The following ULK4 variants were observed in gnomAD, a reference collection of about 807,000 sequenced individuals.
The protein encoded by ULK4 is inactive serine/threonine-protein kinase ULK4.
A neutral mutation model predicts 160.6 loss-of-function variants in ULK4; 133 were observed. The ratio of observed to expected loss-of-function variants is 0.83; its 90% CI spans 0.72 to 0.96. The LOEUF is 0.96. Ranked by LOEUF, ULK4 falls within the 40% of genes least tolerant of loss-of-function variation. The pLI is 0.00. For missense variants in ULK4, 1,580 were observed against 1,499.5 expected (o/e 1.05, Z -0.89); for synonymous variants, 534 against 539.8 (o/e 0.99, Z 0.15).
chr3:41,354,557 T>C lies in ULK4; in HGVS notation c.3678+43522A>G, dbSNP rs564076391. On this transcript the variant is annotated intron_variant, in intron 35 of 36. Coordinates refer to ENST00000301831, the MANE Select transcript of ULK4 (RefSeq NM_017886.4). Reference sequence around the variant, plus strand: ...CAACAATATATGGTAACATGTCTCTTACCTGTTAGACTGGGGATTCTTTGA... The same window carrying C: ...CAACAATATATGGTAACATGTCTCTCACCTGTTAGACTGGGGATTCTTTGA... 1.3e-4 allele frequency among the ~76,000 whole-genome samples: 20 copies of C among 152,334 alleles called. No homozygotes were observed. The East Asian group carries it at 3.9e-3, about 29-fold the overall frequency.
intron 21 of ULK4, among the ~76,000 whole-genome samples, chr3:41,762,808 G>A (rs576543809): frequency 6.6e-6 from 1 of 151,780 alleles, no homozygotes; most frequent in Non-Finnish European, 1.5e-5. Context: ...GACTACAGGT[G>A]CCCACAACCA....
At chr3:41,446,629 A>G (rs2083302530) in intron 34 of ULK4, among the ~76,000 whole-genome samples, 1 of 81,938 alleles carries the variant, frequency 1.2e-5, no homozygotes, top group Non-Finnish European at 2.5e-5. Context: ...CGCAGGGACA[A>G]AAAAAACAAA....
chr3:41,369,343 A>G (rs1169495432), intron 35 of ULK4, among the ~76,000 whole-genome samples: 1 of 152,078 alleles, frequency 6.6e-6, no homozygotes, highest in East Asian at 1.9e-4. Context: ...AAATACTAGA[A>G]ATTAGCCAGG....
chr3:41,895,237 C>T (rs796541816), intron 16 of ULK4, among the ~76,000 whole-genome samples: 9 of 152,180 alleles, frequency 5.9e-5, no homozygotes, highest in African/African-American at 2.2e-4. Flanking sequence ...TAGTGAGAGA[C>T]CTTGTCTCTA....
At chr3:41,265,158 C>A (rs2079008214) in intron 35 of ULK4, among the ~76,000 whole-genome samples, 1 of 152,210 alleles carries the variant, frequency 6.6e-6, no homozygotes, top group Admixed American at 6.5e-5. Context: ...GGGCACCGAG[C>A]CTCAGTCAGG....
intron 32 of ULK4, among the ~76,000 whole-genome samples, chr3:41,530,394 C>A (rs1380365466): frequency 6.6e-6 from 1 of 152,192 alleles, no homozygotes; most frequent in Non-Finnish European, 1.5e-5. Flanking sequence ...GGGAGTTGCA[C>A]TGGGCCCTTA....
At chr3:41,375,655 A>G (rs1350795484) in intron 35 of ULK4, among the ~76,000 whole-genome samples, 1 of 150,372 alleles carries the variant, frequency 6.7e-6, no homozygotes, top group Non-Finnish European at 1.5e-5. Context: ...ATTTAAATGT[A>G]AGACCTAAAC....
intron 22 of ULK4, among the ~76,000 whole-genome samples, chr3:41,729,879 C>A (rs1271196462): frequency 6.6e-6 from 1 of 152,196 alleles, no homozygotes; most frequent in Non-Finnish European, 1.5e-5. Flanking sequence ...ACTGCACCTA[C>A]TCAACACCAA....
intron 34 of ULK4, among the ~76,000 whole-genome samples, chr3:41,440,293 C>A (rs1369302571): frequency 6.6e-6 from 1 of 152,100 alleles, no homozygotes; most frequent in Non-Finnish European, 1.5e-5. Flanking sequence ...AGGTAGAAAG[C>A]GTTAAGGCTT....
intron 17 of ULK4, among the ~76,000 whole-genome samples, chr3:41,846,571 G>A (rs1265046578): frequency 6.6e-6 from 1 of 152,046 alleles, no homozygotes; most frequent in African/African-American, 2.4e-5. Flanking sequence ...TTGGGAGGCC[G>A]AGGCAGGCAG....
chr3:41,499,380 T>C (rs1257622154), intron 32 of ULK4, among the ~76,000 whole-genome samples: 2 of 152,176 alleles, frequency 1.3e-5, no homozygotes, highest in South Asian at 2.1e-4. Flanking sequence ...AACAGAAAAG[T>C]ATGGATTAAA....
In ULK4 at chr3:41,384,881, A is replaced by G. The variant is rs139807432; in HGVS notation, c.3678+13198T>C. Among the ~76,000 whole-genome samples the G allele has an allele frequency of 6.7e-3, 1,014 of 152,198 alleles. 3 individuals are homozygous for G. Among genetic ancestry groups the G allele is most frequent in the African/African-American group, 0.015 (624 of 41,566 alleles). ...ATTACAGGCGTGAGCCACTGCACCC[A>G]GCTTTTATTTTTTTAAAAAGAAAAT... On this transcript the variant is annotated intron_variant, in intron 35 of 36. Coordinates refer to ENST00000301831, the MANE Select transcript of ULK4 (RefSeq NM_017886.4).
chr3:41,495,946 A>G (rs555727342), intron 32 of ULK4, among the ~76,000 whole-genome samples: 17 of 152,230 alleles, frequency 1.1e-4, no homozygotes, highest in Non-Finnish European at 2.2e-4. Context: ...CATCCATAAT[A>G]TAACACAAAA....
rs537923874 is a variant in ULK4 at position 41,451,651 on chromosome 3, G to A, written c.3492+3846C>T. Among the ~76,000 whole-genome samples, 14 of 152,084 alleles carry A rather than the reference G, an allele frequency of 9.2e-5. No homozygotes were observed. The East Asian group carries it at 1.4e-3, about 15-fold the overall frequency. ...CTCCTGGCAACCTCTGGCCAGAATC[G>A]TATGATATTCCAATTCAAGTAATTG... On this transcript the variant is annotated intron_variant, in intron 34 of 36. Transcript: ENST00000301831.
At chr3:41,442,138 A>C (rs1463051945) in intron 34 of ULK4, among the ~76,000 whole-genome samples, 2 of 152,180 alleles carry the variant, frequency 1.3e-5, no homozygotes, top group Non-Finnish European at 2.9e-5. Flanking sequence ...AATGGAAAAA[A>C]GGCCCCAAAG....
At position 41,800,149 on chromosome 3, in the gene ULK4, T is replaced by C; in HGVS notation, c.1993A>G (p.Arg665Gly). Residue 665 changes from arginine (R) to glycine (G), a missense_variant, in exon 20 of 37, where the codon AGG becomes GGG. By Grantham distance (125) the Arg-to-Gly change is moderately radical. Transcript: ENST00000301831. ...CATCTTACCGATACTGCTGTTATCCTAAGAGAATCAGCAGTGGAGTGTCTG... is the reference window on the plus strand; with the variant it reads ...CATCTTACCGATACTGCTGTTATCCCAAGAGAATCAGCAGTGGAGTGTCTG... The part of the protein sequence containing the change: ...LFRHSTADSL[R>G]ITAVSALCRI... 6.2e-7 allele frequency: 1 copy of C among 1,610,690 alleles called. No homozygotes were observed. The highest frequency in any genetic ancestry group is 8.5e-7 in the Non-Finnish European group (1 of 1,179,258).
At chr3:41,400,987 TG>T (rs1449834984) in intron 34 of ULK4, among the ~76,000 whole-genome samples, 1 of 152,148 alleles carries the variant, frequency 6.6e-6, no homozygotes, top group African/African-American at 2.4e-5. Context: ...GTTAATTGGG[TG>T]TTTGATTCTT....
At chr3:41,329,461 A>G (rs2080402022) in intron 35 of ULK4, among the ~76,000 whole-genome samples, 1 of 152,224 alleles carries the variant, frequency 6.6e-6, no homozygotes, top group Non-Finnish European at 1.5e-5. Flanking sequence ...TTCAATACAT[A>G]TATACATGGA....
intron 19 of ULK4, among the ~76,000 whole-genome samples, chr3:41,814,786 T>C (rs1040221272): frequency 3.9e-5 from 6 of 152,152 alleles, no homozygotes; most frequent in African/African-American, 1.4e-4. Context: ...GATAATAATA[T>C]AGCTAACCAC....
Sources: allele counts gnomAD v4.1 joint callset (sites outside exome capture counted in the v4.1 genomes callset), GRCh38; gene constraint gnomAD v4.1.1; transcripts MANE v1.5; gene names NCBI Gene and HGNC (gene_info 2026-07-23, HGNC 2026-07-21).